The following SHISA6 variants were observed in gnomAD, a reference collection of about 807,000 sequenced individuals.
SHISA6 encodes the protein shisa family member 6, also known as protein shisa-6.
A neutral mutation model predicts 47.9 loss-of-function variants in SHISA6; 22 were observed. That is an observed-to-expected ratio of 0.46 (90% CI 0.33 to 0.66). SHISA6 has a LOEUF of 0.66. SHISA6 is among the 30% of genes least tolerant of loss of function. The pLI, the probability that SHISA6 is intolerant of heterozygous loss-of-function variation, is 0.02. For missense variants in SHISA6, 680 were observed against 764.6 expected, an observed-to-expected ratio of 0.89 and a Z score of 1.30; for synonymous variants, 388 against 337.8, an observed-to-expected ratio of 1.15 and a Z score of -1.63.
At chr17:11,275,961 C>T (rs1908873593) in intron 2 of SHISA6, among the ~76,000 whole-genome samples, 1 of 151,624 alleles carries the variant, frequency 6.6e-6, no homozygotes, top group South Asian at 2.1e-4. Context: ...CATCTTGAGA[C>T]TAGATTCTGT....
At chr17:11,279,984 C>A (rs968323569) in intron 2 of SHISA6, among the ~76,000 whole-genome samples, 4 of 152,184 alleles carry the variant, frequency 2.6e-5, no homozygotes, top group African/African-American at 9.7e-5. Flanking sequence ...GGCTGGCCAG[C>A]ACCCTCAGGT....
chr17:11,523,528 A>T (rs1382505890), intron 3 of SHISA6, among the ~76,000 whole-genome samples: 1 of 152,052 alleles, frequency 6.6e-6, no homozygotes, highest in Admixed American at 6.6e-5. Context: ...TGTGAGGGGG[A>T]TTTGGCCACT....
Position 11,413,875 on chromosome 17 carries a change from C to T in SHISA6, c.895+34366C>T, listed in dbSNP as rs531437560. ...ATAGATCCCATCTCCTGATGGGAGG[C>T]GCTGCGCAGTCACAGTGAAAAGAGA... is the stretch of plus-strand genomic sequence containing the variant. On this transcript the variant is annotated intron_variant, in intron 3 of 5. Coordinates refer to ENST00000441885, the MANE Select transcript of SHISA6 (RefSeq NM_207386.4). 5.9e-5 allele frequency among the ~76,000 whole-genome samples: 9 copies of T among 152,194 alleles called. No homozygotes were observed. In the South Asian group the frequency reaches 8.3e-4, roughly 14 times the overall value.
intron 2 of SHISA6, among the ~76,000 whole-genome samples, chr17:11,359,127 A>G (rs1435441486): frequency 1.3e-5 from 2 of 152,212 alleles, no homozygotes; most frequent in African/African-American, 4.8e-5. Flanking sequence ...TTTTTGACAT[A>G]TAGGCTTCTA....
At chr17:11,406,682 C>T (rs1462404764) in intron 3 of SHISA6, among the ~76,000 whole-genome samples, 2 of 152,202 alleles carry the variant, frequency 1.3e-5, no homozygotes, top group Non-Finnish European at 2.9e-5. Flanking sequence ...GCACAATGCC[C>T]AGAACAGAGC....
intron 2 of SHISA6, among the ~76,000 whole-genome samples, chr17:11,306,302 A>G (rs908685498): frequency 3.3e-5 from 5 of 152,152 alleles, no homozygotes; most frequent in Non-Finnish European, 5.9e-5. Context: ...CATCTCCCCA[A>G]GACCTCCCCA....
At chr17:11,411,428 A>T (rs145987516) in intron 3 of SHISA6, among the ~76,000 whole-genome samples, 6 of 151,226 alleles carry the variant, frequency 4.0e-5, no homozygotes, top group African/African-American at 1.5e-4. Flanking sequence ...ATGGAGTCTC[A>T]CTCTGTAGCC....
intron 2 of SHISA6, among the ~76,000 whole-genome samples, chr17:11,277,280 T>TCTCTCTCACACACACACACA (rs1386997909): frequency 6.5e-4 from 35 of 53,904 alleles, no homozygotes; most frequent in Non-Finnish European, 1.0e-3. Flanking sequence ...TCTCTCTCTC[T>TCTCTCTCACACACACACACA]CACACACACA....
At chr17:11,475,293 C>G (rs924145215) in intron 3 of SHISA6, among the ~76,000 whole-genome samples, 12 of 151,982 alleles carry the variant, frequency 7.9e-5, no homozygotes, top group African/African-American at 2.9e-4. Flanking sequence ...TGTCTTATTC[C>G]ATTAATTGTA....
chr17:11,487,096 T>C (rs1916369235), intron 3 of SHISA6, among the ~76,000 whole-genome samples: 1 of 152,188 alleles, frequency 6.6e-6, no homozygotes, highest in Non-Finnish European at 1.5e-5. Context: ...CCCCGGCCCT[T>C]TACAGAAAAA....
At chr17:11,293,651 A>T (rs1251303273) in intron 2 of SHISA6, among the ~76,000 whole-genome samples, 1 of 152,022 alleles carries the variant, frequency 6.6e-6, no homozygotes, top group African/African-American at 2.4e-5. Context: ...AAGCATGGTG[A>T]TGAGGTTGGT....
chr17:11,385,622 G>C (rs1913165324), intron 3 of SHISA6, among the ~76,000 whole-genome samples: 1 of 152,126 alleles, frequency 6.6e-6, no homozygotes, highest in Admixed American at 6.5e-5. Context: ...GGGATAGAAG[G>C]GTAGGAGTTT....
chr17:11,396,860 TAACA>T (rs1913588350), intron 3 of SHISA6, among the ~76,000 whole-genome samples: 1 of 152,200 alleles, frequency 6.6e-6, no homozygotes, highest in Non-Finnish European at 1.5e-5. Flanking sequence ...GATACCTATG[TAACA>T]AACCTGCACG....
chr17:11,379,202 A>G (rs1328811886), intron 2 of SHISA6, among the ~76,000 whole-genome samples: 1 of 148,202 alleles, frequency 6.7e-6, no homozygotes, highest in Non-Finnish European at 1.5e-5. Flanking sequence ...ATATATGTGT[A>G]TATGTATATA....
chr17:11,283,756 T>A (rs910652207), intron 2 of SHISA6, among the ~76,000 whole-genome samples: 7 of 152,226 alleles, frequency 4.6e-5, no homozygotes, highest in African/African-American at 1.7e-4. Flanking sequence ...GGTGCAGTTT[T>A]GGATTTCAAG....
At chr17:11,418,318 G>A (rs191418236) in intron 3 of SHISA6, among the ~76,000 whole-genome samples, 92 of 152,222 alleles carry the variant, frequency 6.0e-4, no homozygotes, top group African/African-American at 2.1e-3. Flanking sequence ...TATCATGGTG[G>A]ATATTTGATC....
intron 3 of SHISA6, among the ~76,000 whole-genome samples, chr17:11,422,384 A>C (rs763530609): frequency 6.6e-6 from 1 of 152,242 alleles, no homozygotes; most frequent in Non-Finnish European, 1.5e-5. Flanking sequence ...GAGCCCAGTC[A>C]GCTAAGCCAG....
intron 1 of SHISA6, among the ~76,000 whole-genome samples, chr17:11,250,132 T>C (rs555117125): frequency 6.6e-6 from 1 of 152,316 alleles, no homozygotes; most frequent in South Asian, 2.1e-4. Flanking sequence ...AAAGTGCACG[T>C]CCCATATTTC....
At chr17:11,548,767 T>C (rs1418902241) in intron 3 of SHISA6, among the ~76,000 whole-genome samples, 2 of 152,156 alleles carry the variant, frequency 1.3e-5, no homozygotes, top group Non-Finnish European at 2.9e-5. Context: ...AAATATATTA[T>C]GCTTAAATGA....
Sources: allele counts gnomAD v4.1 joint callset (sites outside exome capture counted in the v4.1 genomes callset), GRCh38; gene constraint gnomAD v4.1.1; transcripts MANE v1.5; gene names NCBI Gene and HGNC (gene_info 2026-07-23, HGNC 2026-07-21).